Variants in MADD observed in about 807,000 individuals in gnomAD.
MADD encodes MAP kinase-activating death domain protein.
In MADD, 109 loss-of-function variants were observed where a neutral mutation model predicts 176.7. The ratio of observed to expected loss-of-function variants is 0.62; its 90% CI spans 0.53 to 0.72. The LOEUF (loss-of-function observed/expected upper bound fraction) is 0.72, where lower values mean the gene tolerates loss of function less well. Among genes scored for constraint, MADD ranks in the 30% least tolerant of loss-of-function variants. The pLI is 0.00. For missense variants in MADD, 1,914 were observed against 2,045.5 expected (o/e 0.94, Z 1.24); for synonymous variants, 771 against 771.3 (o/e 1.00, Z 0.01).
At chr11:47,298,583 TC>T (rs2075042581) in intron 22 of MADD, among the ~76,000 whole-genome samples, 1 of 152,222 alleles carries the variant, frequency 6.6e-6, no homozygotes, top group African/African-American at 2.4e-5. Flanking sequence ...TGGCTATTAA[TC>T]CCTTGTCAGA....
At chr11:47,326,940 G>A (rs968789382) in intron 31 of MADD, 133 bp downstream of exon 35, 89 of 1,456,410 alleles carry the variant, frequency 6.1e-5, no homozygotes, top group Non-Finnish European at 6.8e-5. Context: ...GGAGTGACAA[G>A]GAAGAAAAGG....
rs182514431 is a variant in MADD at position 47,308,557 on chromosome 11, C to A, written c.3643-34C>A. ...TTCCTTTGTCTCTATTCATTGCTAC[C>A]TCTGGCCACTGACCTATCACCTCTT... On this transcript the variant is annotated intron_variant, in intron 22 of 32. Transcript: ENST00000402192. The A allele has an allele frequency of 9.9e-5, 152 of 1,540,330 alleles. No individual in the cohort carries two copies. The African/African-American group carries it at 2.0e-3, about 20-fold the overall frequency.
At chr11:47,317,627 C>T (rs1372953974) in intron 27 of MADD, among the ~76,000 whole-genome samples, 3 of 152,108 alleles carry the variant, frequency 2.0e-5, no homozygotes, top group African/African-American at 7.2e-5. Flanking sequence ...TATACGCTTC[C>T]TATTGCCTCA....
At chr11:47,322,169 C>T (rs1322288175) in intron 27 of MADD, among the ~76,000 whole-genome samples, 2 of 152,110 alleles carry the variant, frequency 1.3e-5, no homozygotes, top group African/African-American at 2.4e-5. Context: ...CCCATCTTAC[C>T]TGTGAGGAAT....
chr11:47,272,847 A>G (rs1314108832), intron 1 of MADD, among the ~76,000 whole-genome samples: 2 of 152,158 alleles, frequency 1.3e-5, no homozygotes, highest in Non-Finnish European at 2.9e-5. Context: ...TGGGTATTGT[A>G]TTACTGATTC....
chr11:47,274,538 C>T (rs756617587), intron 2 of MADD, 25 bp from the exon 3 acceptor site: 1 of 1,575,400 alleles, frequency 6.3e-7, no homozygotes, highest in South Asian at 1.1e-5. Flanking sequence ...CTTCAGGCTG[C>T]TGAATTTGTC....
At chr11:47,304,467 G>A (rs565951831) in intron 22 of MADD, among the ~76,000 whole-genome samples, 1 of 152,166 alleles carries the variant, frequency 6.6e-6, no homozygotes, top group African/African-American at 2.4e-5. Flanking sequence ...CCAACCTCAG[G>A]CGATCCACCC....
At position 47,308,527 on chromosome 11, in the gene MADD, G is replaced by A. The variant is rs535260041; in HGVS notation, c.3643-64G>A. ...GTGTGAGAGCCTCTTAGTGAAGTGC[G>A]TGGTTTCCTTTGTCTCTATTCATTG... On this transcript the variant is annotated intron_variant, in intron 22 of 32. Coordinates refer to ENST00000402192, the Ensembl canonical transcript of MADD. 627 of 1,186,084 alleles carry A rather than the reference G, an allele frequency of 5.3e-4. 4 individuals are homozygous for A. In the South Asian group the frequency reaches 7.4e-3, roughly 14 times the overall value. The allele number at this position is 1,186,084 out of a possible 1,614,324, so 73.5% of individuals were successfully genotyped here.
At chr11:47,274,670 A>G (rs903862911) in exon 3 of MADD, 1 of 1,614,236 alleles carries the variant, frequency 6.2e-7, no homozygotes, top group Non-Finnish European at 8.5e-7. Context: ...TTCTTCTGCC[A>G]GCCCGAGGGC....
chr11:47,328,715 C>T lies in MADD; in HGVS notation c.4659+11C>T, dbSNP rs780408790. ...TACAAGACACCAATGGTGAGTGTGC[C>T]GCTCAACCCTGATGGGCCACGGTGC... On this transcript the variant is annotated intron_variant, in intron 32 of 32. Coordinates refer to ENST00000402192, the Ensembl canonical transcript of MADD. The T allele has an allele frequency of 1.1e-5, 18 of 1,614,042 alleles. No individual in the cohort carries two copies. The highest frequency in any genetic ancestry group is 3.3e-4 in the Middle Eastern group (2 of 6,082).
At chr11:47,309,382 C>G in exon 24 of MADD, 1 of 1,614,146 alleles carries the variant, frequency 6.2e-7, no homozygotes, top group Non-Finnish European at 8.5e-7. Context: ...GGACCAGGGT[C>G]CCCAGGAAAT....
intron 23 of MADD, 82 bp from the exon 26 acceptor site, chr11:47,308,898 T>G: frequency 7.4e-7 from 1 of 1,352,102 alleles, no homozygotes; most frequent in Non-Finnish European, 1.1e-6. Flanking sequence ...TGGGTTTTGG[T>G]GTTAATCAAC....
chr11:47,317,203 T>C (rs1486607757), intron 27 of MADD, among the ~76,000 whole-genome samples: 1 of 152,232 alleles, frequency 6.6e-6, no homozygotes, highest in Non-Finnish European at 1.5e-5. Context: ...GACTGTGCCT[T>C]AATTTATTTA....
chr11:47,318,702 TC>T (rs2093721549), intron 27 of MADD, among the ~76,000 whole-genome samples: 1 of 151,658 alleles, frequency 6.6e-6, no homozygotes, highest in South Asian at 2.1e-4. Context: ...CACTGTGCCA[TC>T]ACCTGGCTCC....
chr11:47,274,499 T>A (rs2048025453), intron 2 of MADD, 64 bp from the exon 3 acceptor site: 1 of 1,273,084 alleles, frequency 7.9e-7, no homozygotes, highest in Non-Finnish European at 1.1e-6. Context: ...TTGTTGACTG[T>A]GGTTAAAATT....
At chr11:47,327,387 T>G (rs2095563431) in intron 31 of MADD, 1 of 985,258 alleles carries the variant, frequency 1.0e-6, no homozygotes, top group Admixed American at 6.1e-5. Flanking sequence ...CTGCTGTGTT[T>G]GTGCTTCATT....
chr11:47,304,261 G>A (rs965365221), intron 22 of MADD, among the ~76,000 whole-genome samples: 103 of 146,606 alleles, frequency 7.0e-4, no homozygotes, highest in African/African-American at 1.0e-3. Flanking sequence ...ACGGAGTTTC[G>A]CTCTTGTTGC....
At chr11:47,324,894 G>T in intron 30 of MADD, 1 of 604,882 alleles carries the variant, frequency 1.7e-6, no homozygotes. Context: ...CCCCTGCAGT[G>T]TCTCTGCCTT....
intron 20 of MADD, among the ~76,000 whole-genome samples, chr11:47,295,017 G>GAT (rs2069696609): frequency 6.8e-6 from 1 of 146,588 alleles, no homozygotes. Context: ...TTGTTTTTTT[G>GAT]TTTTTTTTTT....
Sources: allele counts gnomAD v4.1 joint callset (sites outside exome capture counted in the v4.1 genomes callset), GRCh38; gene constraint gnomAD v4.1.1; transcripts MANE v1.5; gene names NCBI Gene and HGNC (gene_info 2026-07-23, HGNC 2026-07-21).